MINK1: variants seen among roughly 807,000 people sequenced by gnomAD.
The protein encoded by MINK1 is misshapen-like kinase 1.
Under a neutral mutation model 178.4 loss-of-function variants are expected in MINK1, and 46 were observed. That is an observed-to-expected ratio of 0.26 (90% CI 0.20 to 0.33). MINK1 has a LOEUF of 0.33. MINK1 is among the 10% of genes least tolerant of loss of function. The pLI, the probability that MINK1 is intolerant of heterozygous loss-of-function variation, is 1.00. For missense variants in MINK1, 1,366 were observed against 1,814.9 expected (o/e 0.75, Z 4.49); for synonymous variants, 797 against 709.7 (o/e 1.12, Z -1.96).
At chr17:4,873,119 C>T (rs946774078) in intron 1 of MINK1, among the ~76,000 whole-genome samples, 1 of 152,216 alleles carries the variant, frequency 6.6e-6, no homozygotes, top group Non-Finnish European at 1.5e-5. Flanking sequence ...CCCCTGCAGC[C>T]TCCATGACCA....
Position 4,897,553 on chromosome 17 carries a change from G to A in MINK1, c.*266G>A, listed in dbSNP as rs988326670. 13 of 448,884 alleles carry A rather than the reference G, an allele frequency of 2.9e-5. No individual in the cohort carries two copies. The Admixed American group carries it at 4.0e-4, about 14-fold the overall frequency. The allele number at this position is 448,884 out of a possible 1,614,324, so 27.8% of individuals were successfully genotyped here. On this transcript the variant is annotated 3_prime_UTR_variant, in exon 32 of 32. Coordinates refer to ENST00000355280, the MANE Select transcript of MINK1 (RefSeq NM_153827.5). ...CTTCCCCTTCCCAGGAATTGAGTGG[G>A]CCTAGCCCCTCCCCCCTTTTCTCCA... is the stretch of plus-strand genomic sequence containing the variant.
Position 4,891,077 on chromosome 17 carries a change from A to T in MINK1, c.1693A>T (p.Thr565Ser), listed in dbSNP as rs1413093653. The T allele has an allele frequency of 6.4e-7, 1 of 1,552,242 alleles. No individual in the cohort carries two copies. Among genetic ancestry groups the T allele is most frequent in the East Asian group, 2.4e-5 (1 of 41,082 alleles). Residue 565 changes from threonine (T) to serine (S), a missense_variant, in exon 15 of 32, where the codon ACT becomes TCT. Physicochemically the swap from Thr to Ser is moderately conservative, Grantham distance 58. Coordinates refer to ENST00000355280, the MANE Select transcript of MINK1 (RefSeq NM_153827.5). ...AGGGCCCCCAGGACCCCTTTCCCAG[A>T]CTCCTCCTATGCAGAGGCCGGTGGA... ...SPGPPGPLSQ[T>S]PPMQRPVEPQ...
chr17:4,858,724 C>T (rs58405154), intron 1 of MINK1, among the ~76,000 whole-genome samples: 2 of 152,236 alleles, frequency 1.3e-5, no homozygotes, highest in East Asian at 3.9e-4. Context: ...TTCCCATTCT[C>T]TTTCCCTAGT....
Position 4,886,834 on chromosome 17 carries a change from C to T in MINK1, c.949+208C>T, listed in dbSNP as rs1409395201. Among the ~76,000 whole-genome samples, 2 of 152,222 alleles carry T rather than the reference C, an allele frequency of 1.3e-5. No homozygotes were observed. The highest frequency in any genetic ancestry group is 2.9e-5 in the Non-Finnish European group (2 of 68,032). On this transcript the variant is annotated intron_variant, in intron 10 of 31. Transcript: ENST00000355280. The surrounding 1 kb of genome is among the most constrained non-coding windows in gnomAD (Gnocchi z 6.1). Reference sequence around the variant, plus strand: ...CTGAATCAGCCTTCCAAAGGAGGACCGGCCTTTCGCATCCTTACAAAAACT... The same window carrying T: ...CTGAATCAGCCTTCCAAAGGAGGACTGGCCTTTCGCATCCTTACAAAAACT...
intron 1 of MINK1, chr17:4,875,530 T>G (rs1438944446): frequency 2.2e-6 from 1 of 452,520 alleles, no homozygotes; most frequent in South Asian, 1.6e-5. Flanking sequence ...CCCAACACCT[T>G]GGGAGGCTGA....
intron 1 of MINK1, among the ~76,000 whole-genome samples, chr17:4,849,547 C>G (rs1911600422): frequency 6.8e-6 from 1 of 147,944 alleles, no homozygotes; most frequent in South Asian, 2.2e-4. Flanking sequence ...TTGGCTAACT[C>G]TTGCCTGTCC....
chr17:4,856,284 G>C (rs907042810), intron 1 of MINK1, among the ~76,000 whole-genome samples: 2 of 152,078 alleles, frequency 1.3e-5, no homozygotes, highest in Non-Finnish European at 2.9e-5. Flanking sequence ...CAAGCATCTC[G>C]CGCTCTACTT....
At chr17:4,871,366 A>T (rs1915840843) in intron 1 of MINK1, among the ~76,000 whole-genome samples, 2 of 150,938 alleles carry the variant, frequency 1.3e-5, no homozygotes, top group South Asian at 4.2e-4. Flanking sequence ...AATTTTTTAA[A>T]TTTTTTGTAG....
In MINK1 at chr17:4,892,385, C is replaced by T. The variant is rs1968933261; in HGVS notation, c.2088-17C>T. The T allele has an allele frequency of 1.3e-6, 2 of 1,546,552 alleles. No individual in the cohort carries two copies. Among genetic ancestry groups the T allele is most frequent in the Non-Finnish European group, 1.7e-6 (2 of 1,144,436 alleles). On this transcript the variant is annotated splice_polypyrimidine_tract_variant and intron_variant, in intron 17 of 31. Transcript: ENST00000355280. ...CCCCCCCGCCGCCCCCTCGGCACCC[C>T]TGTGCTCCCTTCACAGACCTCGCAG...
intron 1 of MINK1, among the ~76,000 whole-genome samples, chr17:4,867,091 A>ATAATAG (rs1246675173): frequency 6.9e-6 from 1 of 144,326 alleles, no homozygotes; most frequent in East Asian, 2.0e-4. Context: ...AATAATAATA[A>ATAATAG]TAATAATAAT....
chr17:4,893,365 C>G lies in MINK1; in HGVS notation c.2401-69C>G, dbSNP rs147436680. On this transcript the variant is annotated intron_variant, in intron 20 of 31. Coordinates refer to ENST00000355280, the MANE Select transcript of MINK1 (RefSeq NM_153827.5). ...CCTCCTGTCGCCCTGCTGGGGTGTC[C>G]CGGCACCCTTTGTCTACCTCCACCC... The G allele has an allele frequency of 1.9e-6, 3 of 1,610,652 alleles. No homozygotes were observed. In the African/African-American group the frequency reaches 4.0e-5, roughly 22 times the overall value.
intron 1 of MINK1, among the ~76,000 whole-genome samples, chr17:4,863,553 T>C (rs1418348078): frequency 1.3e-5 from 2 of 152,168 alleles, no homozygotes; most frequent in Non-Finnish European, 2.9e-5. Flanking sequence ...CAACAGGAGC[T>C]ATGAGCCAGG....
At chr17:4,889,201 G>C (rs1968521907) in intron 12 of MINK1, among the ~76,000 whole-genome samples, 1 of 152,204 alleles carries the variant, frequency 6.6e-6, no homozygotes, top group African/African-American at 2.4e-5. Flanking sequence ...TTGTCAAGGA[G>C]TGGGCCAGGT....
intron 1 of MINK1, chr17:4,847,332 C>T (rs897217418): frequency 4.2e-5 from 18 of 428,114 alleles, no homozygotes; most frequent in African/African-American, 2.6e-4. Context: ...TCTGCCTCCT[C>T]GGTTCAATCA....
intron 15 of MINK1, 146 bp downstream of exon 15, chr17:4,891,270 C>T: frequency 8.6e-7 from 1 of 1,157,744 alleles, no homozygotes; most frequent in East Asian, 2.6e-5. Flanking sequence ...GCTTTGTGGA[C>T]AGACTCACTC....
At position 4,894,978 on chromosome 17, in the gene MINK1, A is replaced by C. The variant is rs565253033; in HGVS notation, c.2918-97A>C. ...CCTGTCTTTCTCCTCCTTTCTGCGTATTATGAGGTGCCAAGACCTGATATA... is the reference window on the plus strand; with the variant it reads ...CCTGTCTTTCTCCTCCTTTCTGCGTCTTATGAGGTGCCAAGACCTGATATA... On this transcript the variant is annotated intron_variant, in intron 24 of 31. Coordinates refer to ENST00000355280, the MANE Select transcript of MINK1 (RefSeq NM_153827.5). This position sits in a 1 kb window ranked among gnomAD's most constrained non-coding sequence, Gnocchi z 4.1. 1.2e-5 allele frequency: 15 copies of C among 1,299,938 alleles called. No individual in the cohort carries two copies. The South Asian group carries it at 2.0e-4, about 17-fold the overall frequency. The allele number at this position is 1,299,938 out of a possible 1,614,324, so 80.5% of individuals were successfully genotyped here.
Position 4,887,570 on chromosome 17 carries a change from C to G in MINK1, c.1020-10C>G, listed in dbSNP as rs1208722526. 6.7e-7 allele frequency: 1 copy of G among 1,503,176 alleles called. No individual in the cohort carries two copies. Among genetic ancestry groups the G allele is most frequent in the East Asian group, 2.4e-5 (1 of 40,996 alleles). The allele number at this position is 1,503,176 out of a possible 1,614,324, so 93.1% of individuals were successfully genotyped here. A position where few individuals can be genotyped will look rare whatever the true frequency, so the allele number is the denominator to read the frequency against. On this transcript the variant is annotated splice_polypyrimidine_tract_variant and intron_variant, in intron 11 of 31. Transcript: ENST00000355280. This position sits in a 1 kb window ranked among gnomAD's most constrained non-coding sequence, Gnocchi z 7.6. ...TGACCCCAGTGCTTCTTTGTGCCACCCCTGCCCAGCTCCATCATGAACGTG... is the reference window on the plus strand; with the variant it reads ...TGACCCCAGTGCTTCTTTGTGCCACGCCTGCCCAGCTCCATCATGAACGTG...
rs1909357223 is a variant in MINK1 at position 4,836,706 on chromosome 17, T to G, written c.57+3066T>G. On this transcript the variant is annotated intron_variant, in intron 1 of 31. Transcript: ENST00000355280. The surrounding 1 kb of genome is among the most constrained non-coding windows in gnomAD (Gnocchi z 4.3). The stretch of plus-strand genomic sequence containing the variant: ...ATATATGTGATAGCCCTTTTTGCAG[T>G]TATTTTTATCAAATGGCAATCAGAG... Among the ~76,000 whole-genome samples the G allele has an allele frequency of 6.6e-6, 1 of 152,210 alleles. No individual in the cohort carries two copies. The highest frequency in any genetic ancestry group is 1.5e-5 in the Non-Finnish European group (1 of 68,036).
Position 4,871,831 on chromosome 17 carries a change from G to C in MINK1, c.58-6486G>C, listed in dbSNP as rs556017090. 2.6e-5 allele frequency among the ~76,000 whole-genome samples: 4 copies of C among 152,232 alleles called. No homozygotes were observed. In the South Asian group the frequency reaches 8.3e-4, roughly 32 times the overall value. ...TCAGTTTCTCCATGCCCTCAGCAAC[G>C]CTTTTGATTGTCCATCCTTTTCTAG... On this transcript the variant is annotated intron_variant, in intron 1 of 31. Coordinates refer to ENST00000355280, the MANE Select transcript of MINK1 (RefSeq NM_153827.5).
Sources: gnomAD v4.1 joint callset for allele counts (sites outside exome capture counted in the v4.1 genomes callset) on GRCh38, gnomAD v4.1.1 for gene constraint, Gnocchi (gnomAD v3.1) non-coding constraint, MANE v1.5 for transcripts, NCBI Gene and HGNC (gene_info 2026-07-23, HGNC 2026-07-21) for gene names.